GADL1: variants seen among roughly 807,000 people sequenced by gnomAD.
The protein encoded by GADL1 is acidic amino acid decarboxylase GADL1.
GADL1 carries 71 observed loss-of-function variants against 69.5 expected under a neutral mutation model. The observed-to-expected ratio is 1.02, with a 90% CI of 0.84 to 1.25. GADL1 has a LOEUF of 1.25. GADL1 is among the 50% of genes most tolerant of loss of function. The pLI is 0.00. For synonymous variants in GADL1, 254 were observed against 214.4 expected (o/e 1.18, Z -1.62); for missense variants, 737 against 631.8 (o/e 1.17, Z -1.79).
At chr3:30,879,870 T>G (rs1698620826) in intron 1 of GADL1, among the ~76,000 whole-genome samples, 1 of 151,874 alleles carries the variant, frequency 6.6e-6, no homozygotes, top group South Asian at 2.1e-4. Context: ...AATAAAAGAA[T>G]GTAGAAAGCC....
At chr3:30,772,502 C>T (rs866551901) in intron 14 of GADL1, among the ~76,000 whole-genome samples, 1 of 152,154 alleles carries the variant, frequency 6.6e-6, no homozygotes, top group African/African-American at 2.4e-5. Context: ...TCAACTTTCT[C>T]ATCCTCAATA....
At chr3:30,806,281 A>G (rs1697254613) in intron 11 of GADL1, among the ~76,000 whole-genome samples, 1 of 152,190 alleles carries the variant, frequency 6.6e-6, no homozygotes, top group Admixed American at 6.5e-5. Flanking sequence ...TCTAAAAATT[A>G]TGTATTGAGG....
intron 14 of GADL1, among the ~76,000 whole-genome samples, chr3:30,757,527 G>A (rs995284285): frequency 6.6e-6 from 1 of 152,180 alleles, no homozygotes; most frequent in East Asian, 1.9e-4. Context: ...CAGCCTTAAA[G>A]CTAATGTAAT....
chr3:30,813,825 T>C (rs1697406912), intron 11 of GADL1, among the ~76,000 whole-genome samples: 2 of 152,238 alleles, frequency 1.3e-5, no homozygotes, highest in African/African-American at 4.8e-5. Context: ...TAAATAGCAG[T>C]TAAACATTTA....
chr3:30,837,861 G>A (rs781321755), intron 9 of GADL1, among the ~76,000 whole-genome samples: 7 of 152,130 alleles, frequency 4.6e-5, no homozygotes, highest in Non-Finnish European at 1.0e-4. Flanking sequence ...CTAAAATCCC[G>A]TTAACGAGTC....
At chr3:30,849,870 T>G (rs1698119978) in intron 6 of GADL1, 126 bp downstream of exon 6, 1 of 567,968 alleles carries the variant, frequency 1.8e-6, no homozygotes, top group Non-Finnish European at 3.1e-6. Context: ...AATGAAATAC[T>G]ATGTTATACT....
At position 30,870,188 on chromosome 3, in the gene GADL1, G is replaced by C. The variant is rs1363598236; in HGVS notation, c.38-8423C>G. On this transcript the variant is annotated intron_variant, in intron 1 of 14. Transcript: ENST00000282538. ...ACAGATAAATTATTAAAATAATGCA[G>C]GCTATAATGTTCTAAAGGAAATACC... Among the ~76,000 whole-genome samples, 4 of 151,742 alleles carry C rather than the reference G, an allele frequency of 2.6e-5. 1 individual carries two copies. Among genetic ancestry groups the C allele is most frequent in the Non-Finnish European group, 5.9e-5 (4 of 67,934 alleles).
chr3:30,844,362 G>A (rs1274392457), intron 7 of GADL1, 25 bp downstream of exon 7: 2 of 1,590,762 alleles, frequency 1.3e-6, no homozygotes, highest in South Asian at 2.2e-5. Context: ...CCACCCACCA[G>A]GCTTCCAGAT....
At chr3:30,813,954 A>G (rs1697409024) in intron 11 of GADL1, among the ~76,000 whole-genome samples, 1 of 152,224 alleles carries the variant, frequency 6.6e-6, no homozygotes, top group East Asian at 1.9e-4. Flanking sequence ...TTTCCACTAT[A>G]CTAATGGCTA....
At chr3:30,847,149 T>C (rs1161107446) in intron 6 of GADL1, among the ~76,000 whole-genome samples, 6 of 152,196 alleles carry the variant, frequency 3.9e-5, no homozygotes, top group African/African-American at 1.4e-4. Context: ...TTTATTACTT[T>C]TATTTCTCCA....
intron 12 of GADL1, among the ~76,000 whole-genome samples, chr3:30,794,526 T>G (rs1696989613): frequency 6.6e-6 from 1 of 152,176 alleles, no homozygotes; most frequent in Admixed American, 6.6e-5. Flanking sequence ...TGGGTTTCAA[T>G]TATGCCCAGT....
intron 14 of GADL1, among the ~76,000 whole-genome samples, chr3:30,736,001 T>C (rs537739067): frequency 5.3e-4 from 80 of 152,170 alleles, no homozygotes; most frequent in Non-Finnish European, 8.5e-4. Context: ...TATGTTTGTT[T>C]TTCAGTTTTC....
intron 12 of GADL1, among the ~76,000 whole-genome samples, chr3:30,796,898 T>C (rs1697043469): frequency 6.6e-6 from 1 of 152,194 alleles, no homozygotes; most frequent in Non-Finnish European, 1.5e-5. Flanking sequence ...TACTGACTTC[T>C]AAAAGTCTTC....
chr3:30,771,412 A>G (rs1008497857), intron 14 of GADL1, among the ~76,000 whole-genome samples: 2 of 152,166 alleles, frequency 1.3e-5, no homozygotes, highest in African/African-American at 4.8e-5. Flanking sequence ...GAAAGAGCAT[A>G]CGGTATCTAC....
chr3:30,746,972 T>C (rs1348108767), intron 14 of GADL1, among the ~76,000 whole-genome samples: 4 of 152,160 alleles, frequency 2.6e-5, no homozygotes, highest in African/African-American at 7.2e-5. Context: ...CAACGCAATT[T>C]AGGCCAGGAA....
chr3:30,847,243 C>T (rs1296011365), intron 6 of GADL1, among the ~76,000 whole-genome samples: 1 of 152,146 alleles, frequency 6.6e-6, no homozygotes, highest in Non-Finnish European at 1.5e-5. Flanking sequence ...TTGTCATGAC[C>T]TTGCAGGTCT....
intron 11 of GADL1, among the ~76,000 whole-genome samples, chr3:30,820,832 A>G (rs1453329043): frequency 6.6e-6 from 1 of 151,886 alleles, no homozygotes; most frequent in African/African-American, 2.4e-5. Flanking sequence ...GTATATACCC[A>G]AAGGACTATA....
chr3:30,852,870 T>G (rs909178474), intron 4 of GADL1, among the ~76,000 whole-genome samples: 1 of 152,032 alleles, frequency 6.6e-6, no homozygotes, highest in African/African-American at 2.4e-5. Context: ...AAGAAAAGAT[T>G]GAAAAAGGTG....
intron 12 of GADL1, among the ~76,000 whole-genome samples, chr3:30,787,602 C>A (rs1437066745): frequency 6.6e-6 from 1 of 152,038 alleles, no homozygotes; most frequent in Non-Finnish European, 1.5e-5. Flanking sequence ...AGCAAAAAAT[C>A]ACACCGAACA....
Sources: allele counts gnomAD v4.1 joint callset (sites outside exome capture counted in the v4.1 genomes callset), GRCh38; gene constraint gnomAD v4.1.1; transcripts MANE v1.5; gene names NCBI Gene and HGNC (gene_info 2026-07-23, HGNC 2026-07-21).